Variants in GPC3 observed in about 807,000 individuals in gnomAD.
GPC3 encodes glypican 3.
A neutral mutation model predicts 34.4 loss-of-function variants in GPC3; 3 were observed. The ratio of observed to expected loss-of-function variants is 0.09; its 90% CI spans 0.04 to 0.23. GPC3 has a LOEUF of 0.23. Ranked by LOEUF, GPC3 falls within the 10% of genes least tolerant of loss-of-function variation. The pLI, the probability that GPC3 is intolerant of heterozygous loss-of-function variation, is 1.00. For missense variants in GPC3, 351 were observed against 445.6 expected, an observed-to-expected ratio of 0.79 and a Z score of 1.91; for synonymous variants, 177 against 174.0, an observed-to-expected ratio of 1.02 and a Z score of -0.13.
intron 7 of GPC3, among the ~76,000 whole-genome samples, chrX:133,574,825 G>A (rs2069663627): frequency 8.9e-6 from 1 of 112,206 alleles, no homozygotes; most frequent in Non-Finnish European, 1.9e-5. Context: ...AATGTAATGA[G>A]GCTTAAGGGT....
intron 6 of GPC3, among the ~76,000 whole-genome samples, chrX:133,658,326 G>A (rs917579935): frequency 3.6e-5 from 4 of 112,134 alleles, no homozygotes; most frequent in Non-Finnish European, 5.6e-5. Flanking sequence ...ATGAGATAAG[G>A]TTTAAGAGTA....
chrX:133,923,434 C>T (rs192062125), intron 2 of GPC3, among the ~76,000 whole-genome samples: 1 of 111,624 alleles, frequency 9.0e-6, no homozygotes, highest in East Asian at 2.8e-4. Context: ...CATGTCCTCC[C>T]TAAATCCCCA....
At chrX:133,638,140 C>CT (rs1314229307) in intron 6 of GPC3, among the ~76,000 whole-genome samples, 7 of 111,613 alleles carry the variant, frequency 6.3e-5, no homozygotes, top group African/African-American at 2.3e-4. Flanking sequence ...AAAAACTTCC[C>CT]TTTCTCACAC....
At chrX:133,897,679 G>A (rs1285142384) in intron 2 of GPC3, among the ~76,000 whole-genome samples, 1 of 110,870 alleles carries the variant, frequency 9.0e-6, no homozygotes, top group African/African-American at 3.3e-5. Flanking sequence ...GAAGCCCCTA[G>A]GCAAGTAAAA....
chrX:133,779,261 C>T lies in GPC3; in HGVS notation c.338-25085G>A, dbSNP rs773329252. 2.7e-5 allele frequency among the ~76,000 whole-genome samples: 3 copies of T among 112,791 alleles called. No individual in the cohort carries two copies. The South Asian group carries it at 1.1e-3, about 41-fold the overall frequency. On this transcript the variant is annotated intron_variant, in intron 2 of 7. Transcript: ENST00000370818. The stretch of plus-strand genomic sequence containing the variant: ...ACATTAAATCCAATCATTTGCATCA[C>T]TGCAAATTGTCTTTAACAAGGTATT...
rs745671413 is a variant in GPC3, at chrX:133,932,495, C to T, written c.337+20555G>A. 3.4e-3 allele frequency among the ~76,000 whole-genome samples: 381 copies of T among 111,715 alleles called. 1 individual carries two copies. Among genetic ancestry groups the T allele is most frequent in the African/African-American group, 0.012 (370 of 30,779 alleles). On this transcript the variant is annotated intron_variant, in intron 2 of 7. Coordinates refer to ENST00000370818, the MANE Select transcript of GPC3 (RefSeq NM_004484.4). ...GAAATCTGAATGGTAGCAGAATATG[C>T]CAGCAATCAGTACCCAAATGGATAT...
At chrX:133,734,717 A>G (rs1487775655) in intron 3 of GPC3, among the ~76,000 whole-genome samples, 2 of 111,406 alleles carry the variant, frequency 1.8e-5, no homozygotes, top group Non-Finnish European at 3.8e-5. Flanking sequence ...AAAGACTGAC[A>G]ATCTCTCTCT....
chrX:133,641,905 C>T (rs1395217234), intron 6 of GPC3, among the ~76,000 whole-genome samples: 3 of 112,255 alleles, frequency 2.7e-5, no homozygotes, highest in Non-Finnish European at 5.6e-5. Context: ...AAGTCTCTGA[C>T]GTTGCAAAGC....
At chrX:133,537,398 T>C (rs115302415) in intron 7 of GPC3, among the ~76,000 whole-genome samples, 5,474 of 111,270 alleles carry the variant, frequency 0.049, 359 homozygotes, top group African/African-American at 0.17. Flanking sequence ...ACTGGGATTC[T>C]ACAGAGGGAA....
intron 6 of GPC3, among the ~76,000 whole-genome samples, chrX:133,648,984 T>G (rs1891150908): frequency 8.9e-6 from 1 of 112,192 alleles, no homozygotes; most frequent in Admixed American, 9.5e-5. Context: ...ACACTGTGCC[T>G]TGGAGTATAG....
intron 2 of GPC3, among the ~76,000 whole-genome samples, chrX:133,949,082 G>A (rs2076381540): frequency 8.9e-6 from 1 of 112,049 alleles, no homozygotes; most frequent in South Asian, 3.7e-4. Context: ...GAAAACTGAG[G>A]CTACTGGAGT....
intron 2 of GPC3, among the ~76,000 whole-genome samples, chrX:133,773,029 AC>A (rs1335834886): frequency 1.8e-5 from 2 of 111,082 alleles, no homozygotes; most frequent in African/African-American, 6.5e-5. Context: ...ATTTCACATA[AC>A]AAAAAGGGGG....
chrX:133,871,646 T>C lies in GPC3; in HGVS notation c.337+81404A>G, dbSNP rs185163954. 3.0e-3 allele frequency among the ~76,000 whole-genome samples: 337 copies of C among 112,328 alleles called. 1 individual carries two copies. The highest frequency in any genetic ancestry group is 0.011 in the African/African-American group (325 of 30,935). On this transcript the variant is annotated intron_variant, in intron 2 of 7. Coordinates refer to ENST00000370818, the MANE Select transcript of GPC3 (RefSeq NM_004484.4). Reference sequence around the variant, plus strand: ...TTATTTAAAAATACCAGGCAAGAGATGATACACTTTAAACCACATACAAAG... The same window carrying C: ...TTATTTAAAAATACCAGGCAAGAGACGATACACTTTAAACCACATACAAAG...
At chrX:133,938,580 T>C (rs768966398) in intron 2 of GPC3, among the ~76,000 whole-genome samples, 1 of 111,982 alleles carries the variant, frequency 8.9e-6, no homozygotes, top group South Asian at 3.7e-4. Flanking sequence ...AGCAGATTCT[T>C]TCTTCATAAA....
intron 2 of GPC3, among the ~76,000 whole-genome samples, chrX:133,794,694 A>T (rs1335962099): frequency 8.9e-6 from 1 of 111,881 alleles, no homozygotes; most frequent in African/African-American, 3.3e-5. Context: ...GCCTCACATG[A>T]TCTCAACAGA....
intron 7 of GPC3, among the ~76,000 whole-genome samples, chrX:133,560,528 C>T (rs144498843): frequency 0.014 from 1,531 of 112,170 alleles, 38 homozygotes; most frequent in African/African-American, 0.047. Flanking sequence ...CACCTGAGGT[C>T]AGGAGATCGA....
intron 3 of GPC3, among the ~76,000 whole-genome samples, chrX:133,746,341 C>T (rs1370397718): frequency 3.6e-5 from 4 of 111,909 alleles, no homozygotes; most frequent in Non-Finnish European, 7.5e-5. Flanking sequence ...AAGCAACTGG[C>T]GATTATGCCA....
At chrX:133,967,148 T>C (rs1192947983) in intron 1 of GPC3, among the ~76,000 whole-genome samples, 4 of 112,054 alleles carry the variant, frequency 3.6e-5, no homozygotes, top group Non-Finnish European at 5.6e-5. Context: ...ACACGTACAT[T>C]AGTGAATTCA....
At chrX:133,899,144 C>G (rs1053435634) in intron 2 of GPC3, among the ~76,000 whole-genome samples, 1 of 112,082 alleles carries the variant, frequency 8.9e-6, no homozygotes, top group African/African-American at 3.2e-5. Context: ...TACACATTGC[C>G]GTATGGATAT....
Sources: allele counts gnomAD v4.1 joint callset (sites outside exome capture counted in the v4.1 genomes callset), GRCh38; gene constraint gnomAD v4.1.1; transcripts MANE v1.5; gene names NCBI Gene and HGNC (gene_info 2026-07-23, HGNC 2026-07-21).